The following OSBPL6 variants were observed in gnomAD, a reference collection of about 807,000 sequenced individuals.
OSBPL6 encodes oxysterol binding protein like 6, also known as oxysterol-binding protein-related protein 6.
In OSBPL6, 49 loss-of-function variants were observed where a neutral mutation model predicts 125.8. The observed-to-expected ratio is 0.39, with a 90% CI of 0.31 to 0.49. The LOEUF is 0.49. OSBPL6 is among the 20% of genes least tolerant of loss of function. The pLI is 0.88. For synonymous variants in OSBPL6, 394 were observed against 391.8 expected (o/e 1.01, Z -0.07); for missense variants, 986 against 1,135.4 (o/e 0.87, Z 1.89).
intron 1 of OSBPL6, among the ~76,000 whole-genome samples, chr2:178,282,868 G>T (rs905035140): frequency 6.6e-6 from 1 of 152,148 alleles, no homozygotes; most frequent in East Asian, 1.9e-4. Context: ...GGCCAAGCTG[G>T]TCTCGATCTC....
At position 178,373,908 on chromosome 2, in the gene OSBPL6, G is replaced by A. The variant is rs773224188; in HGVS notation, c.1414G>A (p.Val472Ile). The part of the protein sequence containing the change: ...SPDEAGEQIH[V>I]SLPLSQQVAN... The stretch of plus-strand genomic sequence containing the variant: ...TCTGCAGGCTGGTGAGCAAATCCAT[G>A]TCAGTCTCCCCTTATCACAGCAAGT... Residue 472 changes from valine to isoleucine, a missense_variant, in exon 15 of 25, where the codon GTC (valine) becomes ATC (isoleucine). This residue lies in a region of OSBPL6 where 843 missense variants were observed against 997.3 expected (regional missense o/e 0.85). Transcript: ENST00000190611. The A allele has an allele frequency of 3.7e-6, 6 of 1,613,932 alleles. No homozygotes were observed. The highest frequency in any genetic ancestry group is 1.7e-5 in the Admixed American group (1 of 60,002).
chr2:178,361,511 A>C (rs1383101756), intron 12 of OSBPL6, among the ~76,000 whole-genome samples, 171 bp from the exon 13 acceptor site: 1 of 152,190 alleles, frequency 6.6e-6, no homozygotes, highest in Admixed American at 6.5e-5. Context: ...ATTTGTGTGG[A>C]GTATAGATAT....
chr2:178,283,787 A>G (rs543785487), intron 1 of OSBPL6, among the ~76,000 whole-genome samples: 3 of 152,276 alleles, frequency 2.0e-5, no homozygotes, highest in African/African-American at 7.2e-5. Flanking sequence ...GATGAAGGAG[A>G]GCTGTTATGC....
intron 1 of OSBPL6, among the ~76,000 whole-genome samples, chr2:178,235,937 T>C (rs2091037440): frequency 6.6e-6 from 1 of 152,262 alleles, no homozygotes; most frequent in Admixed American, 6.5e-5. Context: ...AATGTCAATT[T>C]TTGTTTTATT....
chr2:178,363,506 C>T (rs1574974709), intron 13 of OSBPL6, among the ~76,000 whole-genome samples: 1 of 152,144 alleles, frequency 6.6e-6, no homozygotes, highest in African/African-American at 2.4e-5. Context: ...CAGAGCAGTA[C>T]ATGGTGGTGC....
At chr2:178,244,992 T>C (rs549748432) in intron 1 of OSBPL6, among the ~76,000 whole-genome samples, 2 of 152,368 alleles carry the variant, frequency 1.3e-5, no homozygotes, top group African/African-American at 4.8e-5. Flanking sequence ...CATATTAAAA[T>C]GTACTTTTCC....
chr2:178,398,729 C>A lies in OSBPL6; in HGVS notation c.*3170C>A, dbSNP rs2154122526. 6.6e-6 allele frequency: 1 copy of A among 152,196 alleles called. No homozygotes were observed. Among genetic ancestry groups the A allele is most frequent in the South Asian group, 2.1e-4 (1 of 4,816 alleles). The allele number at this position is 152,196 out of a possible 1,614,324, so 9.4% of individuals were successfully genotyped here. ...CAAAGGATTTTCAATATATGAGATG[C>A]CAGGTTGTCAATTTTCTAAACCTTT... On this transcript the variant is annotated 3_prime_UTR_variant, in exon 25 of 25. Transcript: ENST00000190611.
At position 178,391,055 on chromosome 2, in the gene OSBPL6, G is replaced by A; in HGVS notation, c.2302-18G>A. On this transcript the variant is annotated intron_variant, in intron 21 of 24. Coordinates refer to ENST00000190611, the MANE Select transcript of OSBPL6 (RefSeq NM_032523.4). ...ATTAAAGCCATCAAATGTCACAATT[G>A]GGGTTTGGTTTTTCCAGGTGAATTA... 6.2e-7 allele frequency: 1 copy of A among 1,612,382 alleles called. No homozygotes were observed. Among genetic ancestry groups the A allele is most frequent in the Non-Finnish European group, 8.5e-7 (1 of 1,179,328 alleles).
chr2:178,204,458 C>T (rs1197322576), intron 1 of OSBPL6, among the ~76,000 whole-genome samples: 1 of 152,170 alleles, frequency 6.6e-6, no homozygotes, highest in Non-Finnish European at 1.5e-5. Context: ...GGCCTGGGTT[C>T]CCCCTCCCTG....
chr2:178,301,685 C>A (rs1166997969), intron 2 of OSBPL6, among the ~76,000 whole-genome samples: 1 of 152,134 alleles, frequency 6.6e-6, no homozygotes, highest in Non-Finnish European at 1.5e-5. Context: ...ATCATTGACT[C>A]ACCTAGGCCA....
chr2:178,324,221 C>T lies in OSBPL6; in HGVS notation c.147C>T (p.Pro49=). The T allele has an allele frequency of 1.3e-6, 2 of 1,584,014 alleles. No homozygotes were observed. Among genetic ancestry groups the T allele is most frequent in the Non-Finnish European group, 1.7e-6 (2 of 1,159,668 alleles). ...LERTASSSTE[P]SVSRQLLEPE... The stretch of plus-strand genomic sequence containing the variant: ...GGACTGCTTCCTCTAGCACCGAGCC[C>T]TCTGTAAGTCGGCAATTGCTAGAAC... The change falls in exon 4 of 25, where the codon CCC becomes CCT. Residue 49 remains proline (P), a synonymous_variant. Transcript: ENST00000190611.
chr2:178,195,143 C>A (rs2088798588), intron 1 of OSBPL6, among the ~76,000 whole-genome samples: 1 of 152,210 alleles, frequency 6.6e-6, no homozygotes, highest in South Asian at 2.1e-4. Context: ...CTAACGCCTA[C>A]GCCGCACCTT....
intron 1 of OSBPL6, among the ~76,000 whole-genome samples, chr2:178,214,118 C>G (rs2089984949): frequency 6.6e-6 from 1 of 152,198 alleles, no homozygotes. Flanking sequence ...ACACTATTCT[C>G]TCCCCAGTGC....
chr2:178,342,101 A>T (rs1409628923), intron 11 of OSBPL6, among the ~76,000 whole-genome samples: 1 of 152,136 alleles, frequency 6.6e-6, no homozygotes, highest in African/African-American at 2.4e-5. Flanking sequence ...ATTCTATCTA[A>T]TGAGTCCAAG....
chr2:178,270,422 G>A (rs2092351075), intron 1 of OSBPL6, among the ~76,000 whole-genome samples: 1 of 152,172 alleles, frequency 6.6e-6, no homozygotes, highest in Non-Finnish European at 1.5e-5. Flanking sequence ...ACTCTGTGAG[G>A]TGGACACTCT....
At chr2:178,208,314 G>C (rs545184611) in intron 1 of OSBPL6, among the ~76,000 whole-genome samples, 10 of 148,888 alleles carry the variant, frequency 6.7e-5, no homozygotes, top group African/African-American at 2.5e-4. Flanking sequence ...AAGAAAGAAA[G>C]AAACAAAGTG....
intron 1 of OSBPL6, among the ~76,000 whole-genome samples, chr2:178,257,001 G>A (rs578087185): frequency 5.3e-5 from 8 of 152,182 alleles, no homozygotes; most frequent in African/African-American, 1.9e-4. Context: ...TTAAAAATTG[G>A]TCCACATATC....
chr2:178,298,695 CTTTTTTTTTTGT>C (rs1559216727), intron 2 of OSBPL6, among the ~76,000 whole-genome samples: 1 of 141,668 alleles, frequency 7.1e-6, no homozygotes, highest in East Asian at 2.4e-4. Context: ...TTTTTAGTTG[CTTTTTTTTTTGT>C]TTTTTTTTTT....
At chr2:178,335,014 G>A (rs1250899958) in intron 8 of OSBPL6, among the ~76,000 whole-genome samples, 2 of 151,996 alleles carry the variant, frequency 1.3e-5, no homozygotes, top group Non-Finnish European at 2.9e-5. Context: ...GAGTTTCTCT[G>A]GCCTCCTGTG....
Sources: gnomAD v4.1 joint callset for allele counts (sites outside exome capture counted in the v4.1 genomes callset) on GRCh38, gnomAD v4.1.1 for gene constraint, gnomAD v4.1.1 regional missense constraint, MANE v1.5 for transcripts, NCBI Gene and HGNC (gene_info 2026-07-23, HGNC 2026-07-21) for gene names.